Variants in KCNK1 observed in about 807,000 individuals in gnomAD.
KCNK1 encodes potassium two pore domain channel subfamily K member 1.
A neutral mutation model predicts 22.2 loss-of-function variants in KCNK1; 10 were observed. The ratio of observed to expected loss-of-function variants is 0.45; its 90% CI spans 0.28 to 0.76. The LOEUF (loss-of-function observed/expected upper bound fraction) is 0.76, where lower values mean the gene tolerates loss of function less well. Among genes scored for constraint, KCNK1 ranks in the 30% least tolerant of loss-of-function variants. KCNK1 has a pLI of 0.14. For synonymous variants in KCNK1, 200 were observed against 186.4 expected, an observed-to-expected ratio of 1.07 and a Z score of -0.60; for missense variants, 378 against 421.0, an observed-to-expected ratio of 0.90 and a Z score of 0.89.
chr1:233,642,756 C>A (rs6698577), intron 1 of KCNK1, among the ~76,000 whole-genome samples: 9 of 151,844 alleles, frequency 5.9e-5, no homozygotes, highest in African/African-American at 2.2e-4. Flanking sequence ...TCCAAAGTCA[C>A]TGGCTCTTGG....
At chr1:233,634,315 C>G (rs1422558826) in intron 1 of KCNK1, among the ~76,000 whole-genome samples, 4 of 29,580 alleles carry the variant, frequency 1.4e-4, no homozygotes, top group Non-Finnish European at 3.4e-4. Flanking sequence ...ACAACAACAA[C>G]AACAAAAAAA....
chr1:233,671,605 A>G lies in KCNK1; in HGVS notation c.*75A>G, dbSNP rs1658600157. The stretch of plus-strand genomic sequence containing the variant: ...AAGAGGCTTAAGTATGTTCATTTTT[A>G]TCAGAATGCAAAAGCGAAAATTATG... On this transcript the variant is annotated 3_prime_UTR_variant, in exon 3 of 3. Coordinates refer to ENST00000366621, the MANE Select transcript of KCNK1 (RefSeq NM_002245.4). The G allele has an allele frequency of 2.6e-6, 4 of 1,541,696 alleles. No homozygotes were observed. The highest frequency in any genetic ancestry group is 2.4e-5 in the South Asian group (2 of 84,032).
At chr1:233,637,030 C>A (rs12120529) in intron 1 of KCNK1, among the ~76,000 whole-genome samples, 112,367 of 151,648 alleles carry the variant, frequency 0.74, 41,689 homozygotes, top group Admixed American at 0.81. Flanking sequence ...CCCCATCTCT[C>A]CTAAAAATTC....
intron 1 of KCNK1, among the ~76,000 whole-genome samples, chr1:233,636,814 C>G (rs574146109): frequency 6.6e-6 from 1 of 152,118 alleles, no homozygotes; most frequent in Admixed American, 6.5e-5. Context: ...GCAGGGGGAT[C>G]ATGGTTTCTA....
chr1:233,659,925 G>GC (rs1357428733), intron 1 of KCNK1, among the ~76,000 whole-genome samples: 1 of 152,240 alleles, frequency 6.6e-6, no homozygotes, highest in Non-Finnish European at 1.5e-5. Context: ...CTACATCAGG[G>GC]CAAGGGGCTG....
In KCNK1 at chr1:233,671,409, A is replaced by T. The variant is rs749541795; in HGVS notation, c.890A>T (p.Asp297Val). The change falls in exon 3 of 3, where the codon GAC becomes GTC. Residue 297 changes from aspartate to valine, a missense_variant. By Grantham distance (152) the Asp-to-Val change is radical. Coordinates refer to ENST00000366621, the MANE Select transcript of KCNK1 (RefSeq NM_002245.4). ...GATCAGGTGCACATCATAGAGCATG[A>T]CCAACTGTCCTTCTCCTCGATCACA... ...DEDQVHIIEH[D>V]QLSFSSITDQ... is the part of the protein sequence containing the mutation. 35 of 1,614,080 alleles carry T rather than the reference A, an allele frequency of 2.2e-5. No homozygotes were observed. The highest frequency in any genetic ancestry group is 2.9e-5 in the Non-Finnish European group (34 of 1,180,046).
intron 1 of KCNK1, among the ~76,000 whole-genome samples, chr1:233,646,925 C>A (rs1227316838): frequency 6.6e-6 from 1 of 152,130 alleles, no homozygotes; most frequent in Non-Finnish European, 1.5e-5. Flanking sequence ...TCACATTGAA[C>A]CAGCTGAGGG....
intron 1 of KCNK1, among the ~76,000 whole-genome samples, chr1:233,628,664 G>A (rs1657734312): frequency 6.6e-6 from 1 of 151,946 alleles, no homozygotes; most frequent in South Asian, 2.1e-4. Flanking sequence ...GGAGGCTGAG[G>A]TGGAGAATTG....
At chr1:233,639,846 A>G (rs79766243) in intron 1 of KCNK1, among the ~76,000 whole-genome samples, 2,780 of 152,282 alleles carry the variant, frequency 0.018, 83 homozygotes, top group African/African-American at 0.062. Flanking sequence ...CTTCTTACAC[A>G]TGAGCCACGT....
intron 1 of KCNK1, among the ~76,000 whole-genome samples, chr1:233,619,789 A>T (rs1490052748): frequency 6.6e-6 from 1 of 152,010 alleles, no homozygotes; most frequent in African/African-American, 2.4e-5. Flanking sequence ...GCACACCTGT[A>T]ATCCCAGCTA....
intron 1 of KCNK1, among the ~76,000 whole-genome samples, chr1:233,644,037 C>T (rs887822030): frequency 7.2e-5 from 11 of 152,222 alleles, no homozygotes; most frequent in African/African-American, 2.2e-4. Context: ...TAAGAGAATA[C>T]CACTGGGTGA....
At chr1:233,627,365 G>T (rs1199248896) in intron 1 of KCNK1, among the ~76,000 whole-genome samples, 1 of 152,180 alleles carries the variant, frequency 6.6e-6, no homozygotes, top group Non-Finnish European at 1.5e-5. Flanking sequence ...TCAAATGTTT[G>T]AACACGGGTT....
Position 233,639,085 on chromosome 1 carries a change from A to G in KCNK1, c.355+24559A>G, listed in dbSNP as rs552221438. Among the ~76,000 whole-genome samples the G allele has an allele frequency of 2.6e-3, 403 of 152,312 alleles. 1 individual carries two copies. Among genetic ancestry groups the G allele is most frequent in the Middle Eastern group, 0.017 (5 of 294 alleles). On this transcript the variant is annotated intron_variant, in intron 1 of 2. Coordinates refer to ENST00000366621, the MANE Select transcript of KCNK1 (RefSeq NM_002245.4). Reference sequence around the variant, plus strand: ...CTGGCTGATGGGCTCCAGTCCTAACACACCCAAAAAACAGATGAATATATA... The same window carrying G: ...CTGGCTGATGGGCTCCAGTCCTAACGCACCCAAAAAACAGATGAATATATA...
intron 1 of KCNK1, among the ~76,000 whole-genome samples, chr1:233,664,342 C>T (rs535928861): frequency 6.6e-6 from 1 of 152,208 alleles, no homozygotes; most frequent in South Asian, 2.1e-4. Flanking sequence ...TTCAAAGGCT[C>T]CTGCTTCCAT....
At chr1:233,666,038 A>G (rs893522815) in intron 1 of KCNK1, among the ~76,000 whole-genome samples, 3 of 152,090 alleles carry the variant, frequency 2.0e-5, no homozygotes, top group Non-Finnish European at 2.9e-5. Flanking sequence ...TGATATCTCT[A>G]TCTTCATTGA....
intron 1 of KCNK1, among the ~76,000 whole-genome samples, chr1:233,654,457 T>C (rs1054145379): frequency 1.3e-5 from 2 of 152,158 alleles, no homozygotes; most frequent in Non-Finnish European, 2.9e-5. Flanking sequence ...AATTACATAT[T>C]TGGATAAGGA....
chr1:233,636,025 G>A (rs1253424996), intron 1 of KCNK1, among the ~76,000 whole-genome samples: 7 of 152,170 alleles, frequency 4.6e-5, no homozygotes, highest in African/African-American at 1.4e-4. Flanking sequence ...GGGCAGCCAC[G>A]TGCAAAGGCC....
intron 1 of KCNK1, chr1:233,637,427 G>A (rs1208449047): frequency 6.6e-6 from 1 of 152,106 alleles, no homozygotes; most frequent in Admixed American, 6.6e-5. Flanking sequence ...CTTCAGTAAG[G>A]TGAGAAGGTA....
At chr1:233,651,274 C>CACG (rs570367503) in intron 1 of KCNK1, among the ~76,000 whole-genome samples, 136 of 152,252 alleles carry the variant, frequency 8.9e-4, no homozygotes, top group African/African-American at 3.2e-3. Context: ...ATGCCTACAG[C>CACG]ACGAATTTAA....
Sources: gnomAD v4.1 joint callset for allele counts (sites outside exome capture counted in the v4.1 genomes callset) on GRCh38, gnomAD v4.1.1 for gene constraint, MANE v1.5 for transcripts, NCBI Gene and HGNC (gene_info 2026-07-23, HGNC 2026-07-21) for gene names.